SCGB2B2: variants seen among roughly 807,000 people sequenced by gnomAD.
SCGB2B2 encodes the protein secretoglobin-like protein.
SCGB2B2 carries 11 observed loss-of-function variants against 7.6 expected under a neutral mutation model. The ratio of observed to expected loss-of-function variants is 1.45; its 90% CI spans 0.91 to 2.40. The LOEUF (loss-of-function observed/expected upper bound fraction) is 2.40, where lower values mean the gene tolerates loss of function less well. SCGB2B2 is among the 30% of genes most tolerant of loss of function. The pLI is 0.00. For missense variants in SCGB2B2, 104 were observed against 115.4 expected (o/e 0.90, Z 0.45); for synonymous variants, 50 against 48.6 (o/e 1.03, Z -0.12).
rs117535472 is a variant in SCGB2B2, at chr19:34,645,059, C to T, written c.-2032+30571G>A. ...CAGAGCCTGTGCTCCTTCCACTGCA[C>T]GCCCAGGTGTCGCTCATGAACACAG... On this transcript the variant is annotated intron_variant, in intron 1 of 3. Coordinates refer to ENST00000601241, the MANE Select transcript of SCGB2B2 (RefSeq NM_001025591.4). Among the ~76,000 whole-genome samples the T allele has an allele frequency of 3.4e-3, 514 of 152,350 alleles. 2 individuals carry two copies. The highest frequency in any genetic ancestry group is 5.4e-3 in the Non-Finnish European group (366 of 68,040).
intron 1 of SCGB2B2, among the ~76,000 whole-genome samples, chr19:34,623,361 G>T (rs2066288544): frequency 6.6e-6 from 1 of 152,200 alleles, no homozygotes; most frequent in African/African-American, 2.4e-5. Context: ...TAAGTATCTG[G>T]AAAGAGAGGG....
At chr19:34,627,133 G>T (rs527643740) in intron 1 of SCGB2B2, among the ~76,000 whole-genome samples, 1 of 152,112 alleles carries the variant, frequency 6.6e-6, no homozygotes, top group Admixed American at 6.6e-5. Flanking sequence ...AGGAACAACT[G>T]GTACCAGCCA....
At chr19:34,599,233 C>T (rs2065547655) in intron 1 of SCGB2B2, among the ~76,000 whole-genome samples, 1 of 152,208 alleles carries the variant, frequency 6.6e-6, no homozygotes. Context: ...GCAGAGGGAT[C>T]TATGGTGGAG....
At chr19:34,620,006 C>CT (rs200976572) in intron 1 of SCGB2B2, among the ~76,000 whole-genome samples, 11 of 152,046 alleles carry the variant, frequency 7.2e-5, no homozygotes, top group Admixed American at 1.3e-4. Context: ...TAAAATTATT[C>CT]TTTTTTAAAA....
rs2065284094 is a variant in SCGB2B2 at position 34,590,964 on chromosome 19, G to A, written c.*2591C>T. ...TAATTCTTTTCATTTACTTCTGGTTGAAACTCTCCATCTTTGATTGCTACA... is the reference window on the plus strand; with the variant it reads ...TAATTCTTTTCATTTACTTCTGGTTAAAACTCTCCATCTTTGATTGCTACA... On this transcript the variant is annotated 3_prime_UTR_variant, in exon 4 of 4. Transcript: ENST00000601241. Among the ~76,000 whole-genome samples the A allele has an allele frequency of 6.6e-6, 1 of 152,188 alleles. No homozygotes were observed. The highest frequency in any genetic ancestry group is 2.1e-4 in the South Asian group (1 of 4,832).
chr19:34,669,086 C>G (rs946521603), intron 1 of SCGB2B2, among the ~76,000 whole-genome samples: 3 of 152,146 alleles, frequency 2.0e-5, no homozygotes, highest in Admixed American at 2.0e-4. Context: ...TGCAGCTTCA[C>G]TCCTGAAGCC....
At chr19:34,643,311 C>G (rs977441725) in intron 1 of SCGB2B2, among the ~76,000 whole-genome samples, 2 of 151,948 alleles carry the variant, frequency 1.3e-5, no homozygotes, top group Admixed American at 6.6e-5. Context: ...TTGAAATAAC[C>G]CAGGCATAGA....
chr19:34,638,625 A>C (rs2066757667), intron 1 of SCGB2B2, among the ~76,000 whole-genome samples: 1 of 152,158 alleles, frequency 6.6e-6, no homozygotes. Flanking sequence ...AGAAAGCATA[A>C]ATTGGCCCCT....
intron 1 of SCGB2B2, among the ~76,000 whole-genome samples, chr19:34,634,344 C>T (rs2066616823): frequency 6.6e-6 from 1 of 152,134 alleles, no homozygotes; most frequent in African/African-American, 2.4e-5. Context: ...CCCTGGGTAA[C>T]CTAAGGTACA....
chr19:34,629,662 A>G (rs896786841), intron 1 of SCGB2B2, among the ~76,000 whole-genome samples: 13 of 152,066 alleles, frequency 8.5e-5, no homozygotes, highest in Admixed American at 8.5e-4. Context: ...ATGGGTAGGA[A>G]GAATCAATAT....
chr19:34,653,687 A>C (rs1259005973), intron 1 of SCGB2B2, among the ~76,000 whole-genome samples: 1 of 151,286 alleles, frequency 6.6e-6, no homozygotes, highest in Non-Finnish European at 1.5e-5. Flanking sequence ...TCAATATGAC[A>C]TTCCACATTA....
At position 34,674,816 on chromosome 19, in the gene SCGB2B2, A is replaced by C. The variant is rs139196851; in HGVS notation, c.-2032+814T>G. Among the ~76,000 whole-genome samples, 618 of 152,324 alleles carry C rather than the reference A, an allele frequency of 4.1e-3. 4 individuals carry two copies. The highest frequency in any genetic ancestry group is 0.014 in the African/African-American group (585 of 41,572). The stretch of plus-strand genomic sequence containing the variant: ...AGAATTTAAGAATTTCATAACCAGA[A>C]ACATTATGCCAAACTCCAGAAAACA... On this transcript the variant is annotated intron_variant, in intron 1 of 3. Coordinates refer to ENST00000601241, the MANE Select transcript of SCGB2B2 (RefSeq NM_001025591.4).
chr19:34,655,300 A>G (rs1375952164), intron 1 of SCGB2B2, among the ~76,000 whole-genome samples: 3 of 120,022 alleles, frequency 2.5e-5, no homozygotes, highest in African/African-American at 8.7e-5. Flanking sequence ...GTCTGATAAG[A>G]AACATTTACA....
chr19:34,599,642 T>G (rs1263007741), intron 1 of SCGB2B2, among the ~76,000 whole-genome samples: 1 of 152,158 alleles, frequency 6.6e-6, no homozygotes, highest in Non-Finnish European at 1.5e-5. Context: ...GTGGGAATTA[T>G]AGGCATACAA....
At chr19:34,597,214 T>C (rs2065482276) in intron 1 of SCGB2B2, among the ~76,000 whole-genome samples, 2 of 152,062 alleles carry the variant, frequency 1.3e-5, no homozygotes, top group African/African-American at 2.4e-5. Context: ...CTGTGTCACA[T>C]GCATCCATCC....
chr19:34,598,518 T>C (rs994385759), intron 1 of SCGB2B2, among the ~76,000 whole-genome samples: 1 of 151,806 alleles, frequency 6.6e-6, no homozygotes, highest in African/African-American at 2.4e-5. Flanking sequence ...CAGAGGATTT[T>C]TGGACACCTC....
At chr19:34,666,019 G>A (rs1020113100) in intron 1 of SCGB2B2, among the ~76,000 whole-genome samples, 3 of 152,006 alleles carry the variant, frequency 2.0e-5, no homozygotes, top group African/African-American at 7.2e-5. Context: ...GCCCCCTGCG[G>A]CCCTCCTGGA....
At chr19:34,650,902 C>T (rs1200776265) in intron 1 of SCGB2B2, among the ~76,000 whole-genome samples, 7 of 151,152 alleles carry the variant, frequency 4.6e-5, no homozygotes, top group Non-Finnish European at 7.4e-5. Context: ...GTAATCATTC[C>T]CCATGACCAA....
In SCGB2B2 at chr19:34,602,406, A is replaced by AC. The variant is rs1420726465; in HGVS notation, c.-2031-5813_-2031-5812insG. Reference sequence around the variant, plus strand: ...GTGGTTGGATTTTGGTGTCAGGATTATACCAGCCTCATTAAATGAATCAGG... The same window carrying AC: ...GTGGTTGGATTTTGGTGTCAGGATTACTACCAGCCTCATTAAATGAATCAGG... On this transcript the variant is annotated intron_variant, in intron 1 of 3. Transcript: ENST00000601241. Among the ~76,000 whole-genome samples the AC allele has an allele frequency of 2.0e-5, 3 of 152,324 alleles. No homozygotes were observed. In the East Asian group the frequency reaches 5.8e-4, roughly 29 times the overall value.
Sources: gnomAD v4.1 joint callset for allele counts (sites outside exome capture counted in the v4.1 genomes callset) on GRCh38, gnomAD v4.1.1 for gene constraint, MANE v1.5 for transcripts, NCBI Gene and HGNC (gene_info 2026-07-23, HGNC 2026-07-21) for gene names.